Variants in CATIP observed in about 807,000 individuals in gnomAD.
The protein encoded by CATIP is ciliogenesis-associated TTC17-interacting protein.
CATIP carries 40 observed loss-of-function variants against 42.5 expected under a neutral mutation model. That is an observed-to-expected ratio of 0.94 (90% CI 0.73 to 1.22). The LOEUF (loss-of-function observed/expected upper bound fraction) is 1.22. Ranked by LOEUF, CATIP falls within the 50% of genes most tolerant of loss-of-function variation. The pLI, the probability that CATIP is intolerant of heterozygous loss-of-function variation, is 0.00. For synonymous variants in CATIP, 222 were observed against 200.2 expected (o/e 1.11, Z -0.92); for missense variants, 489 against 496.0 (o/e 0.99, Z 0.13).
intron 5 of CATIP, among the ~76,000 whole-genome samples, 196 bp from the exon 6 acceptor site, chr2:218,362,539 A>T (rs896357228): frequency 1.3e-5 from 2 of 151,628 alleles, no homozygotes; most frequent in Non-Finnish European, 2.9e-5. Flanking sequence ...AGGCTGAGGC[A>T]GGAGATCGCT....
intron 7 of CATIP, among the ~76,000 whole-genome samples, chr2:218,365,330 C>T (rs1487704800): frequency 6.6e-6 from 1 of 151,590 alleles, no homozygotes; most frequent in Non-Finnish European, 1.5e-5. Context: ...AGGAGGATGG[C>T]GTGAACCCAG....
At chr2:218,357,313 GA>G in intron 2 of CATIP, 126 bp downstream of exon 2, 1 of 691,660 alleles carries the variant, frequency 1.4e-6, no homozygotes, top group Admixed American at 3.0e-5. Flanking sequence ...CTGGGACTCA[GA>G]AAAGGCCTGA....
intron 5 of CATIP, among the ~76,000 whole-genome samples, chr2:218,361,383 A>C (rs904675043): frequency 6.6e-6 from 1 of 152,070 alleles, no homozygotes; most frequent in African/African-American, 2.4e-5. Flanking sequence ...CAAAAAAAAA[A>C]AAAGATGTAC....
At chr2:218,359,341 C>CA (rs140677940) in intron 4 of CATIP, among the ~76,000 whole-genome samples, 8,404 of 79,326 alleles carry the variant, frequency 0.11, 462 homozygotes, top group Non-Finnish European at 0.13. Flanking sequence ...GACTCTGTCT[C>CA]AAAAAAAAAA....
intron 5 of CATIP, among the ~76,000 whole-genome samples, chr2:218,361,227 AG>A (rs1313325513): frequency 6.6e-6 from 1 of 152,086 alleles, no homozygotes; most frequent in Non-Finnish European, 1.5e-5. Context: ...ACAAAAAATT[AG>A]CCAGGCGTGG....
Position 218,357,064 on chromosome 2 carries a change from TCTGCCATCTTAG to T in CATIP, c.26-29_26-18del. On this transcript the variant is annotated intron_variant, in intron 1 of 9. Coordinates refer to ENST00000289388, the MANE Select transcript of CATIP (RefSeq NM_198559.2). ...CTGACCCCTGCCCTTCTCCCCAGGG[TCTGCCATCTTAG>T]CCTCTCATCCCTCTGTAGGCTCCAG... is the stretch of plus-strand genomic sequence containing the variant. 6.3e-7 allele frequency: 1 copy of T among 1,596,566 alleles called. No homozygotes were observed.
chr2:218,363,511 A>C (rs970413305), intron 6 of CATIP, among the ~76,000 whole-genome samples: 26 of 140,256 alleles, frequency 1.9e-4, no homozygotes, highest in South Asian at 9.1e-4. Context: ...AAAAAAAAAA[A>C]CGTCATTTTG....
chr2:218,362,620 C>T (rs1695274742), intron 5 of CATIP, 115 bp from the exon 6 acceptor site: 4 of 1,040,484 alleles, frequency 3.8e-6, no homozygotes, highest in Admixed American at 2.4e-5. Context: ...TGACAAAAAG[C>T]GAAACTCTGT....
chr2:218,362,360 A>AC (rs1194711363), intron 5 of CATIP, among the ~76,000 whole-genome samples: 1 of 150,344 alleles, frequency 6.7e-6, no homozygotes, highest in East Asian at 2.0e-4. Flanking sequence ...CTCAAAAAAA[A>AC]AAAAAAAAAA....
chr2:218,364,605 C>T lies in CATIP; in HGVS notation c.631-23C>T, dbSNP rs567513144. On this transcript the variant is annotated intron_variant, in intron 6 of 9. Coordinates refer to ENST00000289388, the MANE Select transcript of CATIP (RefSeq NM_198559.2). ...GGCGGGCATCCACCTTACCTCCCAC[C>T]CCCCAATTTTGGCTGTTGCCAGCAA... 6.2e-6 allele frequency: 10 copies of T among 1,612,074 alleles called. No individual in the cohort carries two copies. The South Asian group carries it at 9.9e-5, about 16-fold the overall frequency.
In CATIP at chr2:218,367,914, C is replaced by A; in HGVS notation, c.1114C>A (p.Pro372Thr). ...CTTGGGCTCCTCCCACCGGCCCAACCCTTTCCGCTCCCTGGAGCCGGAGGG... is the reference window on the plus strand; with the variant it reads ...CTTGGGCTCCTCCCACCGGCCCAACACTTTCCGCTCCCTGGAGCCGGAGGG... ...PALGSSHRPN[P>T]FRSLEPEGDA... The change falls in exon 10 of 10, where the codon CCT (proline) becomes ACT (threonine). Residue 372 changes from proline to threonine, a missense_variant. By Grantham distance (38) the Pro-to-Thr change is conservative. Transcript: ENST00000289388. The A allele has an allele frequency of 6.2e-7, 1 of 1,610,870 alleles. No homozygotes were observed. Among genetic ancestry groups the A allele is most frequent in the Non-Finnish European group, 8.5e-7 (1 of 1,179,512 alleles).
rs769678646 is a variant in CATIP, at chr2:218,367,524, G to A, written c.921+6G>A. On this transcript the variant is annotated splice_donor_region_variant and intron_variant, in intron 9 of 9. Transcript: ENST00000289388. ...CGAAGTTCCTGGACCGGAAGGTGAGGGGAGGCTCCACCAGCCTGGGGTTCC... is the reference window on the plus strand; with the variant it reads ...CGAAGTTCCTGGACCGGAAGGTGAGAGGAGGCTCCACCAGCCTGGGGTTCC... The A allele has an allele frequency of 4.3e-6, 7 of 1,613,826 alleles. No individual in the cohort carries two copies. In the Admixed American group the frequency reaches 6.7e-5, roughly 15 times the overall value.
At chr2:218,360,830 T>G (rs983300355) in intron 5 of CATIP, among the ~76,000 whole-genome samples, 171 bp downstream of exon 5, 5 of 103,602 alleles carry the variant, frequency 4.8e-5, no homozygotes, top group African/African-American at 2.0e-4. Flanking sequence ...GCACAGCTTG[T>G]TTTTTTTTTT....
intron 4 of CATIP, among the ~76,000 whole-genome samples, chr2:218,359,369 G>A (rs1695157170): frequency 1.4e-5 from 2 of 139,980 alleles, no homozygotes; most frequent in African/African-American, 5.8e-5. Context: ...AAAAAATGTT[G>A]GGGATGGTTT....
Position 218,357,827 on chromosome 2 carries a change from T to G in CATIP, c.319+93T>G, listed in dbSNP as rs962784240. The G allele has an allele frequency of 4.9e-6, 7 of 1,416,342 alleles. No homozygotes were observed. The African/African-American group carries it at 9.9e-5, about 20-fold the overall frequency. 87.7% of individuals were successfully genotyped at this position (1,416,342 alleles called of 1,614,324 possible). ...AGAATCTTTTTTCAGGACCAAGCCC[T>G]TGGCTTTGCCTTGGACCAGGACAAG... On this transcript the variant is annotated intron_variant, in intron 3 of 9. Coordinates refer to ENST00000289388, the MANE Select transcript of CATIP (RefSeq NM_198559.2).
At position 218,359,341 on chromosome 2, in the gene CATIP, C is replaced by CAAAAAAAAAAAAAA. The variant is rs140677940; in HGVS notation, c.376-1222_376-1209dup. Among the ~76,000 whole-genome samples the CAAAAAAAAAAAAAA allele has an allele frequency of 7.4e-4, 59 of 79,700 alleles. 1 individual carries two copies. The highest frequency in any genetic ancestry group is 2.9e-3 in the African/African-American group (56 of 19,408). The allele number at this position is 79,700 out of a possible 152,430, so 52.3% of individuals were successfully genotyped here. On this transcript the variant is annotated intron_variant, in intron 4 of 9. Coordinates refer to ENST00000289388, the MANE Select transcript of CATIP (RefSeq NM_198559.2). ...TGGGCAACAGAGCGAGACTCTGTCT[C>CAAAAAAAAAAAAAA]AAAAAAAAAAAAAAAAAAAAAAATG...
chr2:218,364,883 TCA>T, intron 7 of CATIP, 131 bp downstream of exon 7: 1 of 1,018,424 alleles, frequency 9.8e-7, no homozygotes, highest in South Asian at 1.6e-5. Flanking sequence ...TTTATCCATA[TCA>T]TTCACTCTTT....
intron 5 of CATIP, among the ~76,000 whole-genome samples, chr2:218,361,109 GCGTGAGCCACCACGCCCAGC>G (rs1695219104): frequency 1.3e-5 from 2 of 152,180 alleles, no homozygotes; most frequent in African/African-American, 2.4e-5. Flanking sequence ...GGGATTACAG[GCGTGAGCCACCACGCCCAGC>G]CTACAGCTTG....
At chr2:218,359,364 A>AAAAAAAGG (rs1695155999) in intron 4 of CATIP, among the ~76,000 whole-genome samples, 1 of 144,674 alleles carries the variant, frequency 6.9e-6, no homozygotes, top group African/African-American at 2.6e-5. Flanking sequence ...AAAAAAAAAA[A>AAAAAAAGG]TGTTGGGGAT....
Sources: allele counts gnomAD v4.1 joint callset (sites outside exome capture counted in the v4.1 genomes callset), GRCh38; gene constraint gnomAD v4.1.1; transcripts MANE v1.5; gene names NCBI Gene and HGNC (gene_info 2026-07-23, HGNC 2026-07-21).